The following UGT1A9 variants were observed in gnomAD, a reference collection of about 807,000 sequenced individuals.
UGT1A9 encodes UDP-glucuronosyltransferase 1A9.
A neutral mutation model predicts 45.0 loss-of-function variants in UGT1A9; 35 were observed. The observed-to-expected ratio is 0.78, with a 90% CI of 0.59 to 1.03. UGT1A9 has a LOEUF of 1.03. Ranked by LOEUF, UGT1A9 falls within the 50% of genes least tolerant of loss-of-function variation. UGT1A9 has a pLI of 0.00. For synonymous variants in UGT1A9, 278 were observed against 250.6 expected (o/e 1.11, Z -1.03); for missense variants, 687 against 666.6 (o/e 1.03, Z -0.34).
At position 233,768,372 on chromosome 2, in the gene UGT1A9, C is replaced by A; in HGVS notation, c.1228C>A (p.Leu410Met). 1 of 1,614,130 alleles carries A rather than the reference C, an allele frequency of 6.2e-7. No homozygotes were observed. The highest frequency in any genetic ancestry group is 8.5e-7 in the Non-Finnish European group (1 of 1,180,038). The change falls in exon 4 of 5, where the codon CTG becomes ATG. Residue 410 changes from leucine (L) to methionine (M), a missense_variant. By Grantham distance (15) the Leu-to-Met change is conservative. Coordinates refer to ENST00000354728, the MANE Select transcript of UGT1A9 (RefSeq NM_021027.3). The part of the protein sequence containing the change: ...RMETKGAGVT[L>M]NVLEMTSEDL... ...GGAGACTAAGGGAGCTGGAGTGACC[C>A]TGAATGTTCTGGAAATGACTTCTGA...
intron 1 of UGT1A9, among the ~76,000 whole-genome samples, chr2:233,700,492 A>G (rs770742590): frequency 7.9e-5 from 12 of 152,320 alleles, no homozygotes; most frequent in East Asian, 3.9e-4. Flanking sequence ...AGTACATAAA[A>G]GCCTAGAAAC....
At chr2:233,699,966 C>T (rs952923165) in intron 1 of UGT1A9, among the ~76,000 whole-genome samples, 4 of 152,164 alleles carry the variant, frequency 2.6e-5, no homozygotes, top group Middle Eastern at 3.2e-3. Flanking sequence ...AAATACCCGT[C>T]CCCCAACTCC....
At chr2:233,694,003 G>A in intron 1 of UGT1A9, 1 of 1,487,488 alleles carries the variant, frequency 6.7e-7, no homozygotes, top group Non-Finnish European at 9.1e-7. Context: ...CCGGCTCGGA[G>A]CAGCGGGAAC....
intron 1 of UGT1A9, chr2:233,755,784 A>C (rs1162411110): frequency 6.6e-6 from 1 of 152,660 alleles, no homozygotes; most frequent in Non-Finnish European, 1.5e-5. Context: ...TATGCCTATC[A>C]TATGTACTGC....
chr2:233,675,530 C>G (rs903544612), intron 1 of UGT1A9, among the ~76,000 whole-genome samples: 2 of 152,106 alleles, frequency 1.3e-5, no homozygotes, highest in African/African-American at 2.4e-5. Context: ...GTGCTTCCCC[C>G]CTTGCTGTAA....
At chr2:233,759,773 G>A (rs1199686536) in intron 1 of UGT1A9, among the ~76,000 whole-genome samples, 1 of 152,142 alleles carries the variant, frequency 6.6e-6, no homozygotes, top group African/African-American at 2.4e-5. Context: ...AATATTGTTG[G>A]ACGAAGGAAT....
At chr2:233,690,595 A>G (rs2074998935) in intron 1 of UGT1A9, 1 of 1,289,676 alleles carries the variant, frequency 7.8e-7, no homozygotes, top group Non-Finnish European at 1.0e-6. Flanking sequence ...TGAGAAAAAA[A>G]AAAAATCGGC....
At chr2:233,736,636 C>T (rs1288684741) in intron 1 of UGT1A9, among the ~76,000 whole-genome samples, 1 of 152,166 alleles carries the variant, frequency 6.6e-6, no homozygotes, top group Non-Finnish European at 1.5e-5. Context: ...GCTCTAGTTT[C>T]CCCCCATCTT....
intron 2 of UGT1A9, 73 bp from the exon 3 acceptor site, chr2:233,767,776 G>A: frequency 1.2e-6 from 2 of 1,612,490 alleles, no homozygotes; most frequent in Admixed American, 1.7e-5. Context: ...CTGTTTTCTA[G>A]TTAGTATAGC....
intron 1 of UGT1A9, among the ~76,000 whole-genome samples, chr2:233,679,172 G>A (rs113314297): frequency 0.049 from 7,417 of 152,238 alleles, 275 homozygotes; most frequent in African/African-American, 0.097. Flanking sequence ...GAAGCACGTA[G>A]ACCATTTTGA....
At chr2:233,684,000 A>G (rs920065917) in intron 1 of UGT1A9, among the ~76,000 whole-genome samples, 1 of 152,208 alleles carries the variant, frequency 6.6e-6, no homozygotes, top group African/African-American at 2.4e-5. Context: ...TGACAAATAC[A>G]AGAGTAAGAT....
At chr2:233,714,382 T>C (rs1323098990) in intron 1 of UGT1A9, among the ~76,000 whole-genome samples, 2 of 152,130 alleles carry the variant, frequency 1.3e-5, no homozygotes, top group Non-Finnish European at 2.9e-5. Context: ...TTCAGTGGAA[T>C]TGGGCCAATG....
intron 1 of UGT1A9, among the ~76,000 whole-genome samples, chr2:233,734,963 T>C (rs1419315489): frequency 6.6e-6 from 1 of 152,234 alleles, no homozygotes; most frequent in Admixed American, 6.5e-5. Context: ...ATAAGTGTGA[T>C]GTGGTGCTGA....
chr2:233,733,678 C>G (rs2078428487), intron 1 of UGT1A9, among the ~76,000 whole-genome samples: 1 of 152,188 alleles, frequency 6.6e-6, no homozygotes, highest in Non-Finnish European at 1.5e-5. Flanking sequence ...TGTGGATAAA[C>G]TTTTTGATGT....
intron 1 of UGT1A9, among the ~76,000 whole-genome samples, chr2:233,766,257 A>AGTGGCCCGGGCTCG (rs36213637): frequency 2.6e-5 from 4 of 151,512 alleles, no homozygotes; most frequent in African/African-American, 4.9e-5. Context: ...CAGACCGCTC[A>AGTGGCCCGGGCTCG]GTGGCCCGGG....
At chr2:233,730,118 T>C in intron 1 of UGT1A9, 5 of 1,555,912 alleles carry the variant, frequency 3.2e-6, no homozygotes, top group Non-Finnish European at 4.3e-6. Context: ...CTTCTCCTTG[T>C]CATAATAGCC....
chr2:233,693,271 C>T, intron 1 of UGT1A9: 2 of 1,614,100 alleles, frequency 1.2e-6, no homozygotes, highest in Non-Finnish European at 1.7e-6. Context: ...AGCTGAAGAA[C>T]CGTTACCAAT....
Position 233,671,901 on chromosome 2 carries a change from T to A in UGT1A9, c.-34T>A. 3 of 1,574,686 alleles carry A rather than the reference T, an allele frequency of 1.9e-6. No individual in the cohort carries two copies. Among genetic ancestry groups the A allele is most frequent in the Non-Finnish European group, 2.6e-6 (3 of 1,160,970 alleles). On this transcript the variant is annotated 5_prime_UTR_variant, in exon 1 of 5. Coordinates refer to ENST00000354728, the MANE Select transcript of UGT1A9 (RefSeq NM_021027.3). ...ACCTACTGTATCATAGGAGCTTAGA[T>A]TCCCAGCTGCTTGCTCTCAGCTGCA... is the stretch of plus-strand genomic sequence containing the variant.
rs762309245 is a variant in UGT1A9 at position 233,767,917 on chromosome 2, A to G, written c.1056A>G (p.Leu352=). The stretch of plus-strand genomic sequence containing the variant: ...ACAACACGATACTTGTTAAGTGGCT[A>G]CCCCAAAACGATCTGCTTGGTATGT... ...LANNTILVKW[L]PQNDLLGHPM... The change falls in exon 3 of 5, where the codon CTA becomes CTG. Residue 352 remains leucine, a synonymous_variant. Coordinates refer to ENST00000354728, the MANE Select transcript of UGT1A9 (RefSeq NM_021027.3). 2 of 1,614,072 alleles carry G rather than the reference A, an allele frequency of 1.2e-6. No homozygotes were observed. The highest frequency in any genetic ancestry group is 2.2e-5 in the East Asian group (1 of 44,896).
Sources: allele counts gnomAD v4.1 joint callset (sites outside exome capture counted in the v4.1 genomes callset), GRCh38; gene constraint gnomAD v4.1.1; transcripts MANE v1.5; gene names NCBI Gene and HGNC (gene_info 2026-07-23, HGNC 2026-07-21).